Variants in APPBP2 observed in about 807,000 individuals in gnomAD.
APPBP2 encodes amyloid beta precursor protein binding protein 2, also known as amyloid protein-binding protein 2.
APPBP2 carries 15 observed loss-of-function variants against 76.0 expected under a neutral mutation model. The ratio of observed to expected loss-of-function variants is 0.20; its 90% confidence interval spans 0.13 to 0.30. The LOEUF (loss-of-function observed/expected upper bound fraction) is 0.30. Among genes scored for constraint, APPBP2 ranks in the 10% least tolerant of loss-of-function variants. APPBP2 has a pLI of 1.00. For missense variants in APPBP2, 401 were observed against 687.2 expected, an observed-to-expected ratio of 0.58 and a Z score of 4.66; for synonymous variants, 222 against 242.2, an observed-to-expected ratio of 0.92 and a Z score of 0.77.
chr17:60,507,623 T>C (rs2090879055), intron 1 of APPBP2, among the ~76,000 whole-genome samples: 1 of 152,246 alleles, frequency 6.6e-6, no homozygotes, highest in African/African-American at 2.4e-5. Context: ...ACACAGTCTC[T>C]ACTCTGGAGT....
At position 60,461,838 on chromosome 17, in the gene APPBP2, T is replaced by C; in HGVS notation, c.908A>G (p.Asn303Ser). The change falls in exon 8 of 13, where the codon AAT becomes AGT. Residue 303 changes from asparagine (N) to serine (S), a missense_variant. Around this residue, in one of 5 missense-constraint regions of APPBP2, gnomAD observed 130 missense variants for 322.7 expected, o/e 0.40. Coordinates refer to ENST00000083182, the MANE Select transcript of APPBP2 (RefSeq NM_006380.5). ...DYGFYLLNVDNICQSVAIYQA... is the reference protein window; with the variant it reads ...DYGFYLLNVDSICQSVAIYQA... ...ATAAATTGCAACAGACTGACAGATA[T>C]TATCTACATTGAGTAAGTAGAACCC... is the stretch of plus-strand genomic sequence containing the variant. 2 of 1,609,946 alleles carry C rather than the reference T, an allele frequency of 1.2e-6. No homozygotes were observed. The highest frequency in any genetic ancestry group is 1.7e-6 in the Non-Finnish European group (2 of 1,178,464).
intron 12 of APPBP2, 70 bp from the exon 13 acceptor site, chr17:60,447,904 T>C (rs539517112): frequency 8.6e-6 from 12 of 1,392,802 alleles, no homozygotes; most frequent in African/African-American, 2.9e-5. Flanking sequence ...TTCTATAACA[T>C]GAACACAAGT....
At chr17:60,491,503 G>A (rs1195569478) in intron 3 of APPBP2, among the ~76,000 whole-genome samples, 1 of 152,066 alleles carries the variant, frequency 6.6e-6, no homozygotes, top group Non-Finnish European at 1.5e-5. Context: ...GCAGTACAGT[G>A]AGGCGATTTC....
At chr17:60,493,631 GC>G (rs1032829929) in intron 3 of APPBP2, among the ~76,000 whole-genome samples, 4 of 138,518 alleles carry the variant, frequency 2.9e-5, no homozygotes, top group African/African-American at 1.3e-4. Flanking sequence ...GCCATGCCCA[GC>G]CTTTTTTTTT....
At chr17:60,451,013 C>A (rs1598345185) in intron 12 of APPBP2, among the ~76,000 whole-genome samples, 1 of 152,018 alleles carries the variant, frequency 6.6e-6, no homozygotes, top group Non-Finnish European at 1.5e-5. Flanking sequence ...GCCATAGATT[C>A]CTTATTTTGA....
chr17:60,518,068 CTTTTT>C (rs67907414), intron 1 of APPBP2, among the ~76,000 whole-genome samples: 4 of 122,362 alleles, frequency 3.3e-5, no homozygotes, highest in Admixed American at 8.5e-5. Flanking sequence ...TTACAATTTC[CTTTTT>C]TTTTTTTTTT....
At chr17:60,451,840 T>A (rs893487147) in intron 12 of APPBP2, 40 bp downstream of exon 12, 3 of 1,534,182 alleles carry the variant, frequency 2.0e-6, no homozygotes, top group Non-Finnish European at 2.7e-6. Flanking sequence ...ACATGTTGAT[T>A]TGTAATCAAC....
intron 12 of APPBP2, among the ~76,000 whole-genome samples, chr17:60,449,574 C>T (rs564255339): frequency 1.8e-4 from 27 of 152,052 alleles, no homozygotes; most frequent in African/African-American, 6.3e-4. Flanking sequence ...CCAGCCTGGA[C>T]GACACAGCGA....
intron 3 of APPBP2, among the ~76,000 whole-genome samples, chr17:60,485,867 TTAAA>T (rs2090672974): frequency 6.6e-6 from 1 of 152,212 alleles, no homozygotes; most frequent in Non-Finnish European, 1.5e-5. Context: ...ACACACAGCT[TTAAA>T]TGTGTCCCAG....
At chr17:60,451,426 T>C (rs902379909) in intron 12 of APPBP2, among the ~76,000 whole-genome samples, 7 of 152,240 alleles carry the variant, frequency 4.6e-5, no homozygotes, top group African/African-American at 1.7e-4. Flanking sequence ...TAGCAACTTA[T>C]CCCATTTAAA....
chr17:60,462,998 A>G (rs539471873), intron 6 of APPBP2, among the ~76,000 whole-genome samples: 1 of 151,980 alleles, frequency 6.6e-6, no homozygotes, highest in Non-Finnish European at 1.5e-5. Flanking sequence ...TCTTGCATAA[A>G]TATTATGTTG....
intron 4 of APPBP2, among the ~76,000 whole-genome samples, chr17:60,476,066 C>T (rs773500049): frequency 1.3e-5 from 2 of 152,180 alleles, no homozygotes; most frequent in African/African-American, 4.8e-5. Flanking sequence ...TTCCTCATAG[C>T]TTTCTGTATT....
At chr17:60,449,149 G>A (rs1018002215) in intron 12 of APPBP2, among the ~76,000 whole-genome samples, 6 of 152,164 alleles carry the variant, frequency 3.9e-5, no homozygotes, top group African/African-American at 1.4e-4. Context: ...TAAGTAGTAG[G>A]TCTGTTTTTC....
chr17:60,478,432 G>A (rs529367018), intron 4 of APPBP2, among the ~76,000 whole-genome samples: 28 of 152,116 alleles, frequency 1.8e-4, no homozygotes, highest in Non-Finnish European at 3.8e-4. Flanking sequence ...CATAAGTAAA[G>A]CACTAATCTT....
At chr17:60,509,408 T>A (rs937293506) in intron 1 of APPBP2, among the ~76,000 whole-genome samples, 3 of 151,822 alleles carry the variant, frequency 2.0e-5, no homozygotes, top group Non-Finnish European at 4.4e-5. Flanking sequence ...TTGAAACAAC[T>A]GAAAATTTGA....
At chr17:60,472,676 C>T (rs573300861) in intron 4 of APPBP2, among the ~76,000 whole-genome samples, 1 of 152,182 alleles carries the variant, frequency 6.6e-6, no homozygotes, top group African/African-American at 2.4e-5. Flanking sequence ...ATCTTACAAG[C>T]ACTGGAGAGC....
At chr17:60,525,158 T>C (rs1031431776) in intron 1 of APPBP2, among the ~76,000 whole-genome samples, 3 of 152,208 alleles carry the variant, frequency 2.0e-5, no homozygotes, top group South Asian at 2.1e-4. Context: ...CTTCAAACAG[T>C]TGATCAGCAC....
At chr17:60,491,486 G>C (rs1052044583) in intron 3 of APPBP2, among the ~76,000 whole-genome samples, 1 of 152,022 alleles carries the variant, frequency 6.6e-6, no homozygotes, top group Non-Finnish European at 1.5e-5. Context: ...GCAGTGGGGT[G>C]ATCTCAGCAG....
intron 3 of APPBP2, among the ~76,000 whole-genome samples, chr17:60,491,516 C>G (rs942246579): frequency 1.5e-4 from 23 of 152,094 alleles, no homozygotes; most frequent in African/African-American, 5.6e-4. Context: ...GCGATTTCAA[C>G]TCACTGCAAC....
Sources: gnomAD v4.1 joint callset for allele counts (sites outside exome capture counted in the v4.1 genomes callset) on GRCh38, gnomAD v4.1.1 for gene constraint, gnomAD v4.1.1 regional missense constraint, MANE v1.5 for transcripts, NCBI Gene and HGNC (gene_info 2026-07-23, HGNC 2026-07-21) for gene names.